NEK11: variants seen among roughly 807,000 people sequenced by gnomAD.
The protein encoded by NEK11 is NIMA related kinase 11, also known as serine/threonine-protein kinase Nek11.
NEK11 carries 72 observed loss-of-function variants against 80.7 expected under a neutral mutation model. The ratio of observed to expected loss-of-function variants is 0.89; its 90% CI spans 0.74 to 1.08. NEK11 has a LOEUF of 1.08. NEK11 is among the 50% of genes least tolerant of loss of function. The pLI is 0.00. For missense variants in NEK11, 764 were observed against 763.6 expected, an observed-to-expected ratio of 1.00 and a Z score of -0.01; for synonymous variants, 251 against 260.7, an observed-to-expected ratio of 0.96 and a Z score of 0.36.
chr3:131,231,324 G>A (rs535787350), intron 15 of NEK11, among the ~76,000 whole-genome samples: 9 of 150,276 alleles, frequency 6.0e-5, no homozygotes, highest in South Asian at 4.3e-4. Context: ...GCCTTCCTGC[G>A]GTCACGTAGC....
chr3:131,312,142 T>A (rs1301345576), intron 17 of NEK11, among the ~76,000 whole-genome samples: 1 of 152,198 alleles, frequency 6.6e-6, no homozygotes, highest in Non-Finnish European at 1.5e-5. Flanking sequence ...GGATGTGTCA[T>A]TGCCCTGAGA....
At chr3:131,168,766 C>A in intron 12 of NEK11, 64 bp from the exon 13 acceptor site, 2 of 1,193,348 alleles carry the variant, frequency 1.7e-6, no homozygotes, top group African/African-American at 1.5e-5. Flanking sequence ...AGCAGCACTT[C>A]ACCTCTAGAT....
At chr3:131,266,545 T>C (rs900615013) in intron 16 of NEK11, among the ~76,000 whole-genome samples, 2 of 152,246 alleles carry the variant, frequency 1.3e-5, no homozygotes, top group Non-Finnish European at 2.9e-5. Context: ...TCAGTTCTAA[T>C]TGATTGCACT....
intron 6 of NEK11, chr3:131,133,311 T>A (rs1560566479): frequency 2.2e-6 from 1 of 454,010 alleles, no homozygotes; most frequent in South Asian, 1.6e-5. Flanking sequence ...TAGGGTGTAC[T>A]TGGGGAAGGA....
At chr3:131,334,475 G>C (rs1166737826) in intron 17 of NEK11, among the ~76,000 whole-genome samples, 25 of 151,342 alleles carry the variant, frequency 1.7e-4, no homozygotes, top group African/African-American at 5.8e-4. Flanking sequence ...GCAGTGTGTA[G>C]AGGGAAATTT....
At chr3:131,293,346 C>G (rs905780464) in intron 17 of NEK11, among the ~76,000 whole-genome samples, 1 of 152,036 alleles carries the variant, frequency 6.6e-6, no homozygotes, top group African/African-American at 2.4e-5. Flanking sequence ...TTTATATGAT[C>G]ATGTGATATT....
chr3:131,172,277 G>A (rs1430676619), intron 14 of NEK11, among the ~76,000 whole-genome samples: 1 of 152,248 alleles, frequency 6.6e-6, no homozygotes, highest in African/African-American at 2.4e-5. Context: ...AGGTCTGCAA[G>A]TGCATCCTTA....
At chr3:131,226,171 A>G (rs532969983) in intron 14 of NEK11, among the ~76,000 whole-genome samples, 2 of 152,310 alleles carry the variant, frequency 1.3e-5, no homozygotes, top group Admixed American at 1.3e-4. Flanking sequence ...GGTGGGCAAG[A>G]GAAGGAAGAC....
chr3:131,228,007 G>A (rs2095247137), intron 14 of NEK11, among the ~76,000 whole-genome samples: 1 of 152,006 alleles, frequency 6.6e-6, no homozygotes, highest in South Asian at 2.1e-4. Flanking sequence ...AAAGAATTGT[G>A]TTTTTCCCAG....
chr3:131,269,446 A>G (rs1177808636), intron 16 of NEK11, among the ~76,000 whole-genome samples: 4 of 152,158 alleles, frequency 2.6e-5, no homozygotes, highest in Admixed American at 6.5e-5. Context: ...AGACCATGGG[A>G]AAAGCATAGT....
chr3:131,154,770 G>C (rs2090356942), intron 9 of NEK11: 7 of 370,758 alleles, frequency 1.9e-5, no homozygotes, highest in Non-Finnish European at 3.0e-5. Flanking sequence ...GCTGAAAGTA[G>C]GCCTGCCCAT....
intron 16 of NEK11, among the ~76,000 whole-genome samples, chr3:131,255,773 C>T (rs971291389): frequency 6.6e-6 from 1 of 152,140 alleles, no homozygotes; most frequent in Non-Finnish European, 1.5e-5. Flanking sequence ...TTTCAGTGAA[C>T]ACAACCTTGC....
chr3:131,274,899 C>T (rs1253809401), intron 17 of NEK11, among the ~76,000 whole-genome samples: 5 of 151,724 alleles, frequency 3.3e-5, no homozygotes, highest in East Asian at 1.9e-4. Context: ...GTGATCCACC[C>T]GCCTCGGCCT....
intron 4 of NEK11, among the ~76,000 whole-genome samples, chr3:131,083,503 C>G (rs2075579924): frequency 6.6e-6 from 1 of 152,214 alleles, no homozygotes; most frequent in Admixed American, 6.5e-5. Context: ...TATTTCTCAT[C>G]ATCAGACCCA....
chr3:131,029,483 T>C (rs1420966614), intron 2 of NEK11, 130 bp from the exon 3 acceptor site: 1 of 366,566 alleles, frequency 2.7e-6, no homozygotes, highest in African/African-American at 2.1e-5. Flanking sequence ...TTTTAACATT[T>C]TTTTTCAAGT....
At chr3:131,033,992 A>G (rs1333743241) in intron 3 of NEK11, among the ~76,000 whole-genome samples, 3 of 152,230 alleles carry the variant, frequency 2.0e-5, no homozygotes, top group Non-Finnish European at 4.4e-5. Flanking sequence ...ATAATTATAG[A>G]CACTCTAGTC....
intron 3 of NEK11, among the ~76,000 whole-genome samples, chr3:131,031,236 A>G (rs527641971): frequency 1.3e-5 from 2 of 152,212 alleles, no homozygotes; most frequent in Non-Finnish European, 2.9e-5. Flanking sequence ...TTTTTAGTCA[A>G]TTTCTACATG....
At chr3:131,169,931 C>A (rs2092565138) in intron 13 of NEK11, among the ~76,000 whole-genome samples, 1 of 152,170 alleles carries the variant, frequency 6.6e-6, no homozygotes, top group African/African-American at 2.4e-5. Flanking sequence ...AATCTGGAAC[C>A]AATTTCGCCT....
chr3:131,317,771 G>A (rs919025881), intron 17 of NEK11, among the ~76,000 whole-genome samples: 3 of 31,698 alleles, frequency 9.5e-5, no homozygotes, highest in African/African-American at 2.8e-4. Context: ...CAAGAAGAAG[G>A]AGAAGGAGGA....
Sources: gnomAD v4.1 joint callset for allele counts (sites outside exome capture counted in the v4.1 genomes callset) on GRCh38, gnomAD v4.1.1 for gene constraint, MANE v1.5 for transcripts, NCBI Gene and HGNC (gene_info 2026-07-23, HGNC 2026-07-21) for gene names.